Variants in SLC14A2 observed in about 807,000 individuals in gnomAD.
The protein encoded by SLC14A2 is urea transporter 2.
SLC14A2 carries 91 observed loss-of-function variants against 104.6 expected under a neutral mutation model. The ratio of observed to expected loss-of-function variants is 0.87; its 90% confidence interval spans 0.73 to 1.04. The LOEUF (loss-of-function observed/expected upper bound fraction) is 1.04. SLC14A2 is among the 50% of genes least tolerant of loss of function. The pLI is 0.00. For missense variants in SLC14A2, 1,189 were observed against 1,156.0 expected, an observed-to-expected ratio of 1.03 and a Z score of -0.41; for synonymous variants, 476 against 466.4, an observed-to-expected ratio of 1.02 and a Z score of -0.27.
At chr18:45,362,345 A>T (rs2085620844) in intron 1 of SLC14A2, among the ~76,000 whole-genome samples, 1 of 152,200 alleles carries the variant, frequency 6.6e-6, no homozygotes, top group African/African-American at 2.4e-5. Context: ...GAGCTGGGAA[A>T]TGTGGCTGCC....
In SLC14A2 at chr18:45,641,285, C is replaced by T; in HGVS notation, c.1068C>T (p.Ala356=). Reference sequence around the variant, plus strand: ...ACAACTGCGTCCTCTCCTGCATCGCCATCGGAGGCATGTTCTATGCCCTCA... The same window carrying T: ...ACAACTGCGTCCTCTCCTGCATCGCTATCGGAGGCATGTTCTATGCCCTCA... ...WSYNCVLSCI[A]IGGMFYALTW... Residue 356 remains alanine (A), a synonymous_variant, in exon 8 of 20, where the codon GCC becomes GCT. Coordinates refer to ENST00000255226, the MANE Select transcript of SLC14A2 (RefSeq NM_007163.4). 7 of 1,614,216 alleles carry T rather than the reference C, an allele frequency of 4.3e-6. No homozygotes were observed. Among genetic ancestry groups the T allele is most frequent in the Non-Finnish European group, 5.9e-6 (7 of 1,180,034 alleles).
At chr18:45,310,701 A>G (rs1599664940) in intron 1 of SLC14A2, among the ~76,000 whole-genome samples, 1 of 152,250 alleles carries the variant, frequency 6.6e-6, no homozygotes, top group African/African-American at 2.4e-5. Flanking sequence ...TGTAAGTGAC[A>G]TGCACACTAT....
the SLC14A2 span, among the ~76,000 whole-genome samples, chr18:45,183,985 C>G: frequency 2.8e-5 from 4 of 143,644 alleles, no homozygotes; most frequent in African/African-American, 1.0e-4. Flanking sequence ...AACTCCTGCC[C>G]TCAAGCAATC....
At chr18:45,554,373 C>A (rs1042469868) in intron 2 of SLC14A2, among the ~76,000 whole-genome samples, 2 of 152,170 alleles carry the variant, frequency 1.3e-5, no homozygotes, top group African/African-American at 4.8e-5. Context: ...TCAGGCAAGA[C>A]CTAATGCCAA....
intron 10 of SLC14A2, among the ~76,000 whole-genome samples, chr18:45,644,595 G>C (rs1037271827): frequency 1.3e-5 from 2 of 152,124 alleles, no homozygotes; most frequent in African/African-American, 4.8e-5. Flanking sequence ...GCTAGGAAGG[G>C]AAGGCTCTCT....
At chr18:45,427,478 C>A (rs147856907) in intron 1 of SLC14A2, among the ~76,000 whole-genome samples, 1 of 152,116 alleles carries the variant, frequency 6.6e-6, no homozygotes, top group Non-Finnish European at 1.5e-5. Context: ...ATGCTTTCTA[C>A]TTCAAATTAT....
At chr18:45,531,096 T>G (rs2043678159) in intron 2 of SLC14A2, among the ~76,000 whole-genome samples, 1 of 152,198 alleles carries the variant, frequency 6.6e-6, no homozygotes. Context: ...ATCCAGTCTA[T>G]CATTGTTGGA....
At position 45,266,754 on chromosome 18, in the gene SLC14A2, A is replaced by G. The variant is rs1350205440; in HGVS notation, c.-125+53563A>G. On this transcript the variant is annotated intron_variant, in intron 1 of 20. Coordinates refer to the SLC14A2 transcript ENST00000586448. ...CTGTGTGTACAATAACTTCATTACA[A>G]CTGAGGACCCATAATTGTATAGCTA... Among the ~76,000 whole-genome samples, 3 of 152,152 alleles carry G rather than the reference A, an allele frequency of 2.0e-5. No individual in the cohort carries two copies. In the South Asian group the frequency reaches 6.2e-4, roughly 32 times the overall value.
At chr18:45,469,209 C>T (rs191193378) in intron 1 of SLC14A2, among the ~76,000 whole-genome samples, 7 of 152,148 alleles carry the variant, frequency 4.6e-5, no homozygotes, top group Admixed American at 2.0e-4. Flanking sequence ...GTGGATGGAA[C>T]GGTGTGTAAG....
intron 2 of SLC14A2, among the ~76,000 whole-genome samples, chr18:45,540,349 TGCGC>T (rs1254062525): frequency 6.6e-6 from 1 of 152,146 alleles, no homozygotes; most frequent in Non-Finnish European, 1.5e-5. Context: ...CCACCCCCAG[TGCGC>T]GGGGCTGCTG....
chr18:45,636,909 T>C, intron 5 of SLC14A2, 81 bp from the exon 6 acceptor site: 1 of 1,100,010 alleles, frequency 9.1e-7, no homozygotes, highest in East Asian at 2.4e-5. Context: ...AGGCAGTGGA[T>C]GATACAGTGG....
intron 10 of SLC14A2, chr18:45,648,008 C>T (rs1255984113): frequency 1.3e-5 from 2 of 151,752 alleles, no homozygotes; most frequent in East Asian, 1.9e-4. Flanking sequence ...TATATGGGGT[C>T]TTAATTCTGA....
chr18:45,227,789 G>C (rs1003641895), intron 1 of SLC14A2, among the ~76,000 whole-genome samples: 2 of 152,148 alleles, frequency 1.3e-5, no homozygotes, highest in Non-Finnish European at 2.9e-5. Flanking sequence ...AATCCAGAAA[G>C]CCAAGCTTCA....
At chr18:45,572,316 T>A (rs1247371393) in intron 2 of SLC14A2, among the ~76,000 whole-genome samples, 2 of 152,152 alleles carry the variant, frequency 1.3e-5, no homozygotes, top group Non-Finnish European at 2.9e-5. Flanking sequence ...CACGTAAATA[T>A]CCTACTGACC....
chr18:45,274,361 GT>G (rs1203848623), intron 1 of SLC14A2, among the ~76,000 whole-genome samples: 1 of 152,168 alleles, frequency 6.6e-6, no homozygotes, highest in African/African-American at 2.4e-5. Context: ...AAGCTGAAGG[GT>G]TTTTTTCTTC....
intron 1 of SLC14A2, among the ~76,000 whole-genome samples, chr18:45,429,202 T>C (rs1045337592): frequency 1.8e-4 from 28 of 152,202 alleles, no homozygotes; most frequent in African/African-American, 6.8e-4. Flanking sequence ...TAAATTACCT[T>C]ATAAAACAGT....
intron 1 of SLC14A2, among the ~76,000 whole-genome samples, chr18:45,341,103 T>A (rs1361674747): frequency 1.3e-5 from 2 of 151,436 alleles, no homozygotes; most frequent in Non-Finnish European, 2.9e-5. Context: ...AATAGACAAC[T>A]GACCAAGATT....
At chr18:45,360,414 A>G (rs1008281499) in intron 1 of SLC14A2, among the ~76,000 whole-genome samples, 1 of 152,186 alleles carries the variant, frequency 6.6e-6, no homozygotes, top group African/African-American at 2.4e-5. Flanking sequence ...TACTCATTTA[A>G]TTTCTACCTC....
chr18:45,367,001 A>G (rs1412062083), intron 1 of SLC14A2, among the ~76,000 whole-genome samples: 1 of 152,182 alleles, frequency 6.6e-6, no homozygotes, highest in Non-Finnish European at 1.5e-5. Flanking sequence ...CAGAAGTAAA[A>G]TCTGTCAGAA....
Sources: gnomAD v4.1 joint callset for allele counts (sites outside exome capture counted in the v4.1 genomes callset) on GRCh38, gnomAD v4.1.1 for gene constraint, MANE v1.5 for transcripts, NCBI Gene and HGNC (gene_info 2026-07-23, HGNC 2026-07-21) for gene names.